Variants in ZNF266 observed in about 807,000 individuals in gnomAD.
ZNF266 encodes the protein zinc finger protein 1.
Under a neutral mutation model 16.4 loss-of-function variants are expected in ZNF266, and 16 were observed. The ratio of observed to expected loss-of-function variants is 0.98; its 90% confidence interval spans 0.66 to 1.48. The LOEUF (loss-of-function observed/expected upper bound fraction) is 1.48. Ranked by LOEUF, ZNF266 falls within the 40% of genes most tolerant of loss-of-function variation. The pLI is 0.00. For missense variants in ZNF266, 738 were observed against 689.1 expected (o/e 1.07, Z -0.79); for synonymous variants, 262 against 237.9 (o/e 1.10, Z -0.93).
In ZNF266 at chr19:9,434,130, AT is replaced by A. The variant is rs1253112733; in HGVS notation, c.-305del. The stretch of plus-strand genomic sequence containing the variant: ...CTCACCATAGAAGTGGAGTCAGCCA[AT>A]TCACAGAATGCTTTGCCCAGCTCTT... On this transcript the variant is annotated 5_prime_UTR_variant, in exon 4 of 11. Coordinates refer to ENST00000592904, the MANE Select transcript of ZNF266 (RefSeq NM_001370374.1). 1 of 152,230 alleles carries A rather than the reference AT, an allele frequency of 6.6e-6. No homozygotes were observed. The highest frequency in any genetic ancestry group is 2.4e-5 in the African/African-American group (1 of 41,460). The allele number at this position is 152,230 out of a possible 1,614,324, so 9.4% of individuals were successfully genotyped here.
Position 9,420,952 on chromosome 19 carries a change from C to T in ZNF266, c.-129-734G>A, listed in dbSNP as rs80100411. ...TAGTCTAAACCTGCACAGTACAACA[C>T]CATGGTCACTACCCACATGTGTTAT... On this transcript the variant is annotated intron_variant, in intron 5 of 10. Transcript: ENST00000592904. 7.0e-3 allele frequency among the ~76,000 whole-genome samples: 1,066 copies of T among 152,168 alleles called. 7 individuals carry two copies. The highest frequency in any genetic ancestry group is 0.02 in the Middle Eastern group (6 of 294).
At chr19:9,419,965 C>G (rs1229515174) in intron 6 of ZNF266, 100 bp downstream of exon 6, 1 of 152,122 alleles carries the variant, frequency 6.6e-6, no homozygotes, top group African/African-American at 2.4e-5. Context: ...AGAAATGAAG[C>G]TGCAGCGTGA....
In ZNF266 at chr19:9,435,335, G is replaced by T. The variant is rs2072309168; in HGVS notation, c.-609C>A. The T allele has an allele frequency of 6.6e-6, 1 of 152,290 alleles. No individual in the cohort carries two copies. Among genetic ancestry groups the T allele is most frequent in the Non-Finnish European group, 1.5e-5 (1 of 68,108 alleles). The allele number at this position is 152,290 out of a possible 1,614,324, so 9.4% of individuals were successfully genotyped here. ...CAGGGCCGTCGCAGTGACAACTCGA[G>T]TGGCTTTTTGAACCTGGCGGCGCCA... On this transcript the variant is annotated 5_prime_UTR_variant, in exon 1 of 11. Transcript: ENST00000592904.
chr19:9,433,495 T>C (rs2071957330), intron 5 of ZNF266, among the ~76,000 whole-genome samples, 173 bp downstream of exon 5: 1 of 152,210 alleles, frequency 6.6e-6, no homozygotes, highest in Admixed American at 6.5e-5. Context: ...AATATACATA[T>C]TTCCTAAGAC....
At chr19:9,424,969 A>G (rs573100600) in intron 5 of ZNF266, among the ~76,000 whole-genome samples, 2 of 152,284 alleles carry the variant, frequency 1.3e-5, no homozygotes, top group East Asian at 3.9e-4. Context: ...GAAATATGCC[A>G]GTTAGCTGTT....
chr19:9,413,717 G>C lies in ZNF266; in HGVS notation c.1409C>G (p.Thr470Ser), dbSNP rs1462204653. The change falls in exon 11 of 11, where the codon ACT becomes AGT. Residue 470 changes from threonine to serine, a missense_variant. Coordinates refer to ENST00000592904, the MANE Select transcript of ZNF266 (RefSeq NM_001370374.1). Reference sequence around the variant, plus strand: ...GACACATTCAAAAGGCTTCTCTCCAGTGTGAGTTCTTGTATGTTCACTAAG... The same window carrying C: ...GACACATTCAAAAGGCTTCTCTCCACTGTGAGTTCTTGTATGTTCACTAAG... ...SRLSEHTRTH[T>S]GEKPFECVKC... 1 of 1,614,166 alleles carries C rather than the reference G, an allele frequency of 6.2e-7. No homozygotes were observed. Among genetic ancestry groups the C allele is most frequent in the Admixed American group, 1.7e-5 (1 of 60,012 alleles).
intron 9 of ZNF266, among the ~76,000 whole-genome samples, chr19:9,416,349 CTTGTTT>C (rs75039110): frequency 0.57 from 82,309 of 145,058 alleles, 23,280 homozygotes; most frequent in Middle Eastern, 0.63. Context: ...AAACAAGGAG[CTTGTTT>C]TTGTTTTTTG....
intron 5 of ZNF266, among the ~76,000 whole-genome samples, chr19:9,423,632 AG>A (rs1160398970): frequency 6.6e-6 from 1 of 152,186 alleles, no homozygotes; most frequent in Non-Finnish European, 1.5e-5. Context: ...TCACAGGTCA[AG>A]GTGTACGCTT....
intron 5 of ZNF266, among the ~76,000 whole-genome samples, chr19:9,432,986 T>C (rs1437100903): frequency 6.6e-6 from 1 of 152,242 alleles, no homozygotes; most frequent in Middle Eastern, 3.2e-3. Flanking sequence ...AATCCACCTA[T>C]TCCAGTTCCA....
intron 5 of ZNF266, among the ~76,000 whole-genome samples, chr19:9,427,470 G>A (rs372672744): frequency 3.0e-4 from 45 of 151,966 alleles, no homozygotes; most frequent in South Asian, 2.5e-3. Context: ...ACAGGTGTGC[G>A]TCACCATGCC....
In ZNF266 at chr19:9,414,527, T is replaced by G. The variant is rs200288871; in HGVS notation, c.599A>C (p.Gln200Pro). 197 of 1,614,074 alleles carry G rather than the reference T, an allele frequency of 1.2e-4. No individual in the cohort carries two copies. The highest frequency in any genetic ancestry group is 1.6e-4 in the Non-Finnish European group (193 of 1,179,992). ...STGEQRSVFSQCGKAFSLNPD... is the reference protein window; with the variant it reads ...STGEQRSVFSPCGKAFSLNPD... The stretch of plus-strand genomic sequence containing the variant: ...GTTCAGGCTGAAGGCTTTTCCACAC[T>G]GACTAAATACAGAACGTTGCTCTCC... Residue 200 changes from glutamine (Q) to proline (P), a missense_variant, in exon 11 of 11, where the codon CAG (glutamine) becomes CCG (proline). By Grantham distance (76) the Gln-to-Pro change is moderately conservative. Coordinates refer to ENST00000592904, the MANE Select transcript of ZNF266 (RefSeq NM_001370374.1).
Position 9,414,440 on chromosome 19 carries a change from C to A in ZNF266, c.686G>T (p.Gly229Val). ...GTGTGAATGATTAATGAAGGATTTC[C>A]CAGAGTCACTGCAATCAAAAGCTTT... ...GEKAFDCSDS[G>V]KSFINHSHLQ... Residue 229 changes from glycine (G) to valine (V), a missense_variant, in exon 11 of 11, where the codon GGG becomes GTG. Coordinates refer to ENST00000592904, the MANE Select transcript of ZNF266 (RefSeq NM_001370374.1). The A allele has an allele frequency of 1.2e-6, 2 of 1,614,094 alleles. No homozygotes were observed. Among genetic ancestry groups the A allele is most frequent in the South Asian group, 2.2e-5 (2 of 91,080 alleles).
chr19:9,423,088 C>T (rs1312527446), intron 5 of ZNF266, among the ~76,000 whole-genome samples: 1 of 152,128 alleles, frequency 6.6e-6, no homozygotes, highest in Non-Finnish European at 1.5e-5. Context: ...CTCAATGGGC[C>T]CATTAAAAAA....
Position 9,421,532 on chromosome 19 carries a change from C to T in ZNF266, c.-129-1314G>A, listed in dbSNP as rs556255441. Among the ~76,000 whole-genome samples, 424 of 152,294 alleles carry T rather than the reference C, an allele frequency of 2.8e-3. 2 individuals carry two copies. The highest frequency in any genetic ancestry group is 9.9e-3 in the African/African-American group (410 of 41,564). Reference sequence around the variant, plus strand: ...AACATGTTCGTCTCCCCATGAAAACCTTCTTGCCCCTTCCAGTCTATCTTT... The same window carrying T: ...AACATGTTCGTCTCCCCATGAAAACTTTCTTGCCCCTTCCAGTCTATCTTT... On this transcript the variant is annotated intron_variant, in intron 5 of 10. Coordinates refer to ENST00000592904, the MANE Select transcript of ZNF266 (RefSeq NM_001370374.1).
At position 9,413,522 on chromosome 19, in the gene ZNF266, T is replaced by C. The variant is rs993567856; in HGVS notation, c.1604A>G (p.Glu535Gly). ...GGGAAACTTAAAAGCTTTGCCACAT[T>C]CCATACACGTGAATGGTTTTTTGGC... ...HSAKKPFTCM[E>G]CGKAFKFPTC... The change falls in exon 11 of 11, where the codon GAA becomes GGA. Residue 535 changes from glutamate (E) to glycine (G), a missense_variant. Physicochemically the swap from Glu to Gly is moderately conservative, Grantham distance 98 (BLOSUM62 -2). Transcript: ENST00000592904. 1.2e-6 allele frequency: 2 copies of C among 1,613,240 alleles called. No individual in the cohort carries two copies. The highest frequency in any genetic ancestry group is 8.5e-7 in the Non-Finnish European group (1 of 1,179,320).
chr19:9,417,220 A>G (rs1390908061), intron 9 of ZNF266, among the ~76,000 whole-genome samples: 2 of 151,552 alleles, frequency 1.3e-5, no homozygotes, highest in African/African-American at 4.8e-5. Flanking sequence ...ATAATACAAA[A>G]AATTAACCAG....
rs1436640624 is a variant in ZNF266, at chr19:9,414,299, T to C, written c.827A>G (p.Glu276Gly). 3 of 1,614,164 alleles carry C rather than the reference T, an allele frequency of 1.9e-6. No individual in the cohort carries two copies. Among genetic ancestry groups the C allele is most frequent in the East Asian group, 2.2e-5 (1 of 44,884 alleles). ...ACATTCCTTACATTTGTAGGGTTTTTCTGACCTGTGAGTTTGTATACGCAC... is the reference window on the plus strand; with the variant it reads ...ACATTCCTTACATTTGTAGGGTTTTCCTGACCTGTGAGTTTGTATACGCAC... ...LAVRIQTHRS[E>G]KPYKCKECGK... Residue 276 changes from glutamate (E) to glycine (G), a missense_variant, in exon 11 of 11, where the codon GAA becomes GGA. Transcript: ENST00000592904.
At chr19:9,420,938 T>C (rs1436813491) in intron 5 of ZNF266, among the ~76,000 whole-genome samples, 1 of 152,080 alleles carries the variant, frequency 6.6e-6, no homozygotes, top group Non-Finnish European at 1.5e-5. Context: ...AGTCTAAACC[T>C]GCACAGTACA....
intron 5 of ZNF266, among the ~76,000 whole-genome samples, chr19:9,429,986 G>A (rs1027544779): frequency 6.6e-6 from 1 of 152,042 alleles, no homozygotes; most frequent in African/African-American, 2.4e-5. Context: ...TAAGTGTAGC[G>A]TAGCCCCTCC....
Sources: gnomAD v4.1 joint callset for allele counts (sites outside exome capture counted in the v4.1 genomes callset) on GRCh38, gnomAD v4.1.1 for gene constraint, MANE v1.5 for transcripts, NCBI Gene and HGNC (gene_info 2026-07-23, HGNC 2026-07-21) for gene names.